The following DSCAM variants were observed in gnomAD, a reference collection of about 807,000 sequenced individuals.
The protein encoded by DSCAM is cell adhesion molecule DSCAM.
DSCAM carries 47 observed loss-of-function variants against 217.7 expected under a neutral mutation model. The observed-to-expected ratio is 0.22, with a 90% confidence interval of 0.17 to 0.28. DSCAM has a LOEUF of 0.28. DSCAM is among the 10% of genes least tolerant of loss of function. The probability of loss-of-function intolerance (pLI) is 1.00; values close to 1 mark genes in which losing one functional copy is unlikely to be tolerated. For missense variants in DSCAM, 2,080 were observed against 2,618.3 expected (o/e 0.79, Z 4.49); for synonymous variants, 1,056 against 1,015.3 (o/e 1.04, Z -0.76).
chr21:40,749,824 A>G (rs1436897810), intron 1 of DSCAM, among the ~76,000 whole-genome samples: 1 of 152,186 alleles, frequency 6.6e-6, no homozygotes, highest in Non-Finnish European at 1.5e-5. Context: ...AACTGACTTA[A>G]ATGTGCACCT....
At chr21:40,199,469 GTGT>G (rs1323423604) in intron 11 of DSCAM, among the ~76,000 whole-genome samples, 1 of 152,196 alleles carries the variant, frequency 6.6e-6, no homozygotes, top group Non-Finnish European at 1.5e-5. Flanking sequence ...AAGTGTGCAT[GTGT>G]CTTTATTGTA....
chr21:40,321,820 T>C (rs888531788), intron 8 of DSCAM, among the ~76,000 whole-genome samples: 2 of 152,158 alleles, frequency 1.3e-5, no homozygotes, highest in African/African-American at 4.8e-5. Context: ...GTGTCAGCCA[T>C]AGGGGCTCTT....
At chr21:40,345,929 G>A (rs779997426) in intron 6 of DSCAM, among the ~76,000 whole-genome samples, 1 of 152,216 alleles carries the variant, frequency 6.6e-6, no homozygotes, top group South Asian at 2.1e-4. Context: ...TAGTTCAAGT[G>A]ACAGGCTCTT....
chr21:40,461,284 T>C (rs567606265), intron 3 of DSCAM, among the ~76,000 whole-genome samples: 1 of 152,206 alleles, frequency 6.6e-6, no homozygotes, highest in Non-Finnish European at 1.5e-5. Flanking sequence ...TGTGTGACTA[T>C]AGGCAGAAAC....
At chr21:40,616,067 T>G (rs1222085096) in intron 3 of DSCAM, among the ~76,000 whole-genome samples, 2 of 151,762 alleles carry the variant, frequency 1.3e-5, no homozygotes, top group African/African-American at 4.8e-5. Flanking sequence ...TTGAATTACC[T>G]TGTGTATGAG....
At chr21:40,493,763 T>A (rs2076094535) in intron 3 of DSCAM, among the ~76,000 whole-genome samples, 1 of 150,634 alleles carries the variant, frequency 6.6e-6, no homozygotes, top group Non-Finnish European at 1.5e-5. Flanking sequence ...CTCGGGAAGC[T>A]GAGGCAGGAG....
intron 4 of DSCAM, among the ~76,000 whole-genome samples, chr21:40,359,280 C>T (rs2074731391): frequency 6.6e-6 from 1 of 152,174 alleles, no homozygotes; most frequent in Admixed American, 6.5e-5. Flanking sequence ...TTAAGAATGC[C>T]CCCTCAGTGA....
chr21:40,132,671 G>A (rs558935088), intron 19 of DSCAM, among the ~76,000 whole-genome samples: 5 of 152,326 alleles, frequency 3.3e-5, no homozygotes, highest in South Asian at 2.1e-4. Context: ...GGGGCTGCTC[G>A]GAGGAGCAAG....
At chr21:40,516,928 A>T (rs2076304922) in intron 3 of DSCAM, among the ~76,000 whole-genome samples, 1 of 147,868 alleles carries the variant, frequency 6.8e-6, no homozygotes. Flanking sequence ...CATATACCTT[A>T]TATATTTATA....
At chr21:40,353,767 A>G in intron 4 of DSCAM, 24 bp from the exon 5 acceptor site, 1 of 1,503,146 alleles carries the variant, frequency 6.7e-7, no homozygotes, top group Non-Finnish European at 8.8e-7. Context: ...AAAAACTCTT[A>G]GAGGCAGGAA....
At chr21:40,455,463 AT>A (rs1257472207) in intron 3 of DSCAM, among the ~76,000 whole-genome samples, 1 of 152,196 alleles carries the variant, frequency 6.6e-6, no homozygotes, top group Non-Finnish European at 1.5e-5. Flanking sequence ...AAGAGGAAGA[AT>A]TGCATTAGAA....
At chr21:40,024,358 T>G (rs2146429884) in intron 32 of DSCAM, among the ~76,000 whole-genome samples, 2 of 78,228 alleles carry the variant, frequency 2.6e-5, no homozygotes, top group Middle Eastern at 0.013. Context: ...TGCGGGCTCT[T>G]TTTTGGTTCC....
At position 40,011,109 on chromosome 21, in the gene DSCAM, A is replaced by AT. The variant is rs1438801467; in HGVS notation, c.*1924dup. 6.6e-6 allele frequency: 1 copy of AT among 152,008 alleles called. No individual in the cohort carries two copies. The highest frequency in any genetic ancestry group is 1.5e-5 in the Non-Finnish European group (1 of 68,010). 9.4% of individuals were successfully genotyped at this position (152,008 alleles called of 1,614,324 possible). On this transcript the variant is annotated 3_prime_UTR_variant, in exon 33 of 33. Coordinates refer to ENST00000400454, the MANE Select transcript of DSCAM (RefSeq NM_001389.5). ...TAGGTTGATGAAAGATAGACTTTTAATTTTTTCCCCCAGAAAGTAACATTT... is the reference window on the plus strand; with the variant it reads ...TAGGTTGATGAAAGATAGACTTTTAATTTTTTTCCCCCAGAAAGTAACATTT...
intron 1 of DSCAM, among the ~76,000 whole-genome samples, chr21:40,723,871 T>C (rs1831139172): frequency 6.6e-6 from 1 of 152,232 alleles, no homozygotes; most frequent in African/African-American, 2.4e-5. Context: ...CCAATATTTG[T>C]ACTTATTTTG....
At chr21:40,039,183 AGAAAAAG>A (rs1208227805) in intron 32 of DSCAM, among the ~76,000 whole-genome samples, 6 of 152,130 alleles carry the variant, frequency 3.9e-5, no homozygotes, top group Admixed American at 2.6e-4. Flanking sequence ...AGAAAAGAAA[AGAAAAAG>A]AATATGAACT....
At chr21:40,828,435 C>T (rs941964498) in intron 1 of DSCAM, among the ~76,000 whole-genome samples, 12 of 151,982 alleles carry the variant, frequency 7.9e-5, no homozygotes, top group East Asian at 3.9e-4. Flanking sequence ...TTGCTGTGAA[C>T]GGGATAAATT....
intron 8 of DSCAM, among the ~76,000 whole-genome samples, chr21:40,328,892 G>C (rs2074345854): frequency 6.6e-6 from 1 of 152,050 alleles, no homozygotes; most frequent in Non-Finnish European, 1.5e-5. Context: ...GACATACATG[G>C]CTAACAGGTA....
chr21:40,172,752 C>A (rs1239863301), intron 15 of DSCAM, among the ~76,000 whole-genome samples: 1 of 152,198 alleles, frequency 6.6e-6, no homozygotes, highest in African/African-American at 2.4e-5. Context: ...GATTTGCCTT[C>A]TATGTGCCAG....
At chr21:40,045,745 A>G (rs1201738167) in intron 30 of DSCAM, among the ~76,000 whole-genome samples, 5 of 152,226 alleles carry the variant, frequency 3.3e-5, no homozygotes, top group Non-Finnish European at 7.3e-5. Context: ...TTCTAAACCC[A>G]GCAGACTGTA....
Sources: gnomAD v4.1 joint callset for allele counts (sites outside exome capture counted in the v4.1 genomes callset) on GRCh38, gnomAD v4.1.1 for gene constraint, MANE v1.5 for transcripts, NCBI Gene and HGNC (gene_info 2026-07-23, HGNC 2026-07-21) for gene names.